The following SYNE1 variants were observed in gnomAD, a reference collection of about 807,000 sequenced individuals.
SYNE1 encodes nesprin-1.
Under a neutral mutation model 1,111.0 loss-of-function variants are expected in SYNE1, and 616 were observed. That is an observed-to-expected ratio of 0.55 (90% CI 0.52 to 0.59). The LOEUF (loss-of-function observed/expected upper bound fraction) is 0.59, where lower values mean the gene tolerates loss of function less well. SYNE1 is among the 20% of genes least tolerant of loss of function. The pLI is 0.00. For missense variants in SYNE1, 10,006 were observed against 10,417.0 expected (o/e 0.96, Z 1.72); for synonymous variants, 3,855 against 3,825.8 (o/e 1.01, Z -0.28).
rs754120599 is a variant in SYNE1 at position 152,442,083 on chromosome 6, G to C, written c.4000C>G (p.Arg1334Gly). ...TAACTTCCGGCTCCTACCTGGATGCGGCGTTCCTGCCTCTCCCGGCTGCGC... is the reference window on the plus strand; with the variant it reads ...TAACTTCCGGCTCCTACCTGGATGCCGCGTTCCTGCCTCTCCCGGCTGCGC... ...LERSRERQERRIQVTLRKWER... is the reference protein window; with the variant it reads ...LERSRERQERGIQVTLRKWER... The change falls in exon 31 of 146, where the codon CGC becomes GGC. Residue 1334 changes from arginine to glycine, a missense_variant. Physicochemically the swap from Arg to Gly is moderately radical, Grantham distance 125. Around this residue, in one of 7 missense-constraint regions of SYNE1, gnomAD observed 1,971 missense variants for 2,084.1 expected, o/e 0.95. Coordinates refer to ENST00000367255, the MANE Select transcript of SYNE1 (RefSeq NM_182961.4). 1.2e-6 allele frequency: 2 copies of C among 1,614,044 alleles called. No individual in the cohort carries two copies. The highest frequency in any genetic ancestry group is 4.5e-5 in the East Asian group (2 of 44,872).
chr6:152,178,242 TA>T lies in SYNE1; in HGVS notation c.23461-1683del, dbSNP rs202201054. On this transcript the variant is annotated intron_variant, in intron 129 of 145. Transcript: ENST00000367255. ...CTCACAATATACATCCTAAATTTAG[TA>T]AAAAAAAAGCAATGAGAATAGAGAC... Among the ~76,000 whole-genome samples, 9 of 151,046 alleles carry T rather than the reference TA, an allele frequency of 6.0e-5. No individual in the cohort carries two copies. In the East Asian group the frequency reaches 1.5e-3, roughly 26 times the overall value.
At chr6:152,191,676 A>T in intron 127 of SYNE1, among the ~76,000 whole-genome samples, 1 of 151,608 alleles carries the variant, frequency 6.6e-6, no homozygotes, top group Non-Finnish European at 1.5e-5. Context: ...ATGGTTTGTC[A>T]ATTTATCTTT....
At chr6:152,509,683 T>A (rs1309434725) in intron 8 of SYNE1, among the ~76,000 whole-genome samples, 3 of 151,806 alleles carry the variant, frequency 2.0e-5, no homozygotes. Context: ...GACAAAAAAA[T>A]CTACACTCTA....
intron 46 of SYNE1, among the ~76,000 whole-genome samples, chr6:152,403,592 C>T (rs145048544): frequency 6.6e-5 from 10 of 152,110 alleles, no homozygotes; most frequent in East Asian, 5.8e-4. Context: ...CATGGTGGCA[C>T]GTGCCTGTAG....
chr6:152,394,044 T>C (rs2097691539), intron 51 of SYNE1, among the ~76,000 whole-genome samples: 1 of 152,180 alleles, frequency 6.6e-6, no homozygotes, highest in South Asian at 2.1e-4. Context: ...TTCTCATTGT[T>C]TAACTCCCAC....
rs370002959 is a variant in SYNE1 at position 152,318,881 on chromosome 6, T to G, written c.16371A>C (p.Gln5457His). ...KLKAKTDNVV[Q>H]AKTDQKVLGE... is the part of the protein sequence containing the mutation. ...TTCTTACCTTTTGGTCAGTTTTAGC[T>G]TGAACTACATTATCTGTCTTCGCTT... is the stretch of plus-strand genomic sequence containing the variant. Residue 5457 changes from glutamine (Q) to histidine (H), a missense_variant, in exon 85 of 146, where the codon CAA becomes CAC. By Grantham distance (24) the Gln-to-His change is conservative (BLOSUM62 0). Transcript: ENST00000367255. 25 of 1,614,110 alleles carry G rather than the reference T, an allele frequency of 1.5e-5. No homozygotes were observed. The highest frequency in any genetic ancestry group is 2.0e-5 in the Non-Finnish European group (24 of 1,180,042).
At chr6:152,428,511 T>A in intron 36 of SYNE1, 119 bp from the exon 37 acceptor site, 2 of 901,190 alleles carry the variant, frequency 2.2e-6, no homozygotes, top group Non-Finnish European at 3.5e-6. Flanking sequence ...GGAATAGCAC[T>A]AAGAATGGGT....
At position 152,333,747 on chromosome 6, in the gene SYNE1, C is replaced by T. The variant is rs368285367; in HGVS notation, c.12794+261G>A. Among the ~76,000 whole-genome samples the T allele has an allele frequency of 5.3e-5, 8 of 152,248 alleles. No individual in the cohort carries two copies. In the East Asian group the frequency reaches 1.5e-3, roughly 29 times the overall value. On this transcript the variant is annotated intron_variant, in intron 77 of 145. Coordinates refer to ENST00000367255, the MANE Select transcript of SYNE1 (RefSeq NM_182961.4). Reference sequence around the variant, plus strand: ...TCCCAGGTTCAATTGATTCTCCTGCCTCAGCCTCCGAAGTAGCTGGGATTA... The same window carrying T: ...TCCCAGGTTCAATTGATTCTCCTGCTTCAGCCTCCGAAGTAGCTGGGATTA...
chr6:152,425,716 C>A (rs13191697), intron 38 of SYNE1, among the ~76,000 whole-genome samples, 169 bp from the exon 39 acceptor site: 2 of 152,114 alleles, frequency 1.3e-5, no homozygotes, highest in East Asian at 3.9e-4. Context: ...ATCCACTTAA[C>A]CTTTTAAAGG....
intron 59 of SYNE1, among the ~76,000 whole-genome samples, chr6:152,370,077 C>A (rs1052003614): frequency 6.7e-5 from 10 of 149,366 alleles, no homozygotes; most frequent in African/African-American, 2.2e-4. Flanking sequence ...GGCACAAACA[C>A]AATTTTTGAA....
At position 152,279,991 on chromosome 6, in the gene SYNE1, T is replaced by A. The variant is rs183041337; in HGVS notation, c.18382-1711A>T. Among the ~76,000 whole-genome samples, 41 of 152,228 alleles carry A rather than the reference T, an allele frequency of 2.7e-4. 3 individuals carry two copies. In the East Asian group the frequency reaches 7.1e-3, roughly 26 times the overall value. On this transcript the variant is annotated intron_variant, in intron 97 of 145. Transcript: ENST00000367255. ...ACTGAATATAATAATATGGAATACA[T>A]CACAACAAATCTATTCCGAATCATG...
chr6:152,372,482 A>G (rs2097206198), intron 59 of SYNE1, among the ~76,000 whole-genome samples: 1 of 152,230 alleles, frequency 6.6e-6, no homozygotes, highest in African/African-American at 2.4e-5. Flanking sequence ...GTCGATACAT[A>G]AAATAGATAG....
chr6:152,605,236 A>G (rs2099611713), intron 3 of SYNE1, among the ~76,000 whole-genome samples: 1 of 152,172 alleles, frequency 6.6e-6, no homozygotes, highest in Admixed American at 6.5e-5. Context: ...AAACCTTACT[A>G]GTTTTCCACT....
intron 129 of SYNE1, among the ~76,000 whole-genome samples, chr6:152,177,112 T>C (rs796716974): frequency 8.7e-4 from 132 of 152,310 alleles, no homozygotes; most frequent in African/African-American, 3.0e-3. Context: ...GTCAATATTT[T>C]GCAGTAAATA....
At chr6:152,374,684 G>C (rs2097250298) in intron 58 of SYNE1, among the ~76,000 whole-genome samples, 1 of 152,106 alleles carries the variant, frequency 6.6e-6, no homozygotes, top group Non-Finnish European at 1.5e-5. Flanking sequence ...TGAGGCAGGA[G>C]GATTGCTTGA....
chr6:152,131,848 G>A (rs1242611366), intron 144 of SYNE1, among the ~76,000 whole-genome samples: 1 of 152,164 alleles, frequency 6.6e-6, no homozygotes, highest in African/African-American at 2.4e-5. Context: ...GCACCATTCT[G>A]GAAATTTTCT....
chr6:152,323,859 C>T, intron 81 of SYNE1, 122 bp from the exon 82 acceptor site: 1 of 1,195,868 alleles, frequency 8.4e-7, no homozygotes, highest in African/African-American at 1.5e-5. Flanking sequence ...ATAAATTCCA[C>T]ATGTTAGGAA....
intron 11 of SYNE1, among the ~76,000 whole-genome samples, chr6:152,488,943 T>G (rs994784932): frequency 1.2e-4 from 18 of 152,172 alleles, no homozygotes; most frequent in Admixed American, 4.6e-4. Flanking sequence ...TTGGGTGACT[T>G]GTCTATATTA....
rs2097538580 is a variant in SYNE1, at chr6:152,387,256, T to G, written c.8303A>C (p.Glu2768Ala). The change falls in exon 54 of 146, where the codon GAG becomes GCG. Residue 2768 changes from glutamate (E) to alanine (A), a missense_variant. Physicochemically the swap from Glu to Ala is moderately radical, Grantham distance 107 (BLOSUM62 -1). Coordinates refer to ENST00000367255, the MANE Select transcript of SYNE1 (RefSeq NM_182961.4). ...HPLQPQPGLK[E>A]KFVLLDHLQS... The stretch of plus-strand genomic sequence containing the variant: ...GAGGTGGTCAAGCAGGACGAACTTC[T>G]CTTTCAGACCTGGCTGTGGTTGTAA... The G allele has an allele frequency of 6.2e-7, 1 of 1,614,216 alleles. No individual in the cohort carries two copies. The highest frequency in any genetic ancestry group is 8.5e-7 in the Non-Finnish European group (1 of 1,180,028).
Sources: gnomAD v4.1 joint callset for allele counts (sites outside exome capture counted in the v4.1 genomes callset) on GRCh38, gnomAD v4.1.1 for gene constraint, gnomAD v4.1.1 regional missense constraint, MANE v1.5 for transcripts, NCBI Gene and HGNC (gene_info 2026-07-23, HGNC 2026-07-21) for gene names.